PPM1E: variants seen among roughly 807,000 people sequenced by gnomAD.
The protein encoded by PPM1E is protein phosphatase 1E.
A neutral mutation model predicts 65.9 loss-of-function variants in PPM1E; 20 were observed. The observed-to-expected ratio is 0.30, with a 90% CI of 0.21 to 0.44. The LOEUF (loss-of-function observed/expected upper bound fraction) is 0.44, where lower values mean the gene tolerates loss of function less well. Ranked by LOEUF, PPM1E falls within the 20% of genes least tolerant of loss-of-function variation. PPM1E has a pLI of 1.00. For missense variants in PPM1E, 713 were observed against 953.1 expected, an observed-to-expected ratio of 0.75 and a Z score of 3.32; for synonymous variants, 352 against 374.9, an observed-to-expected ratio of 0.94 and a Z score of 0.70.
At chr17:58,959,184 C>A (rs565686394) in intron 2 of PPM1E, among the ~76,000 whole-genome samples, 2 of 151,958 alleles carry the variant, frequency 1.3e-5, no homozygotes, top group African/African-American at 4.8e-5. Context: ...TGGCGTACAC[C>A]TGTAGTCCCA....
rs540033304 is a variant in PPM1E at position 58,867,194 on chromosome 17, G to A, written c.465-88455G>A. Among the ~76,000 whole-genome samples, 17 of 152,118 alleles carry A rather than the reference G, an allele frequency of 1.1e-4. No individual in the cohort carries two copies. In the South Asian group the frequency reaches 3.1e-3, roughly 28 times the overall value. On this transcript the variant is annotated intron_variant, in intron 1 of 6. Transcript: ENST00000308249. ...AGGGGTTTCACCATGTTGGTCAGGCGGTCTCGAACTCCTGACCTCATGATC... is the reference window on the plus strand; with the variant it reads ...AGGGGTTTCACCATGTTGGTCAGGCAGTCTCGAACTCCTGACCTCATGATC...
intron 1 of PPM1E, among the ~76,000 whole-genome samples, chr17:58,823,919 A>G (rs367879669): frequency 6.6e-6 from 1 of 151,896 alleles, no homozygotes; most frequent in African/African-American, 2.4e-5. Flanking sequence ...TTTAGTAGAG[A>G]CAGGGTTTCA....
chr17:58,784,998 A>G (rs1028257711), intron 1 of PPM1E, among the ~76,000 whole-genome samples: 8 of 152,170 alleles, frequency 5.3e-5, no homozygotes, highest in African/African-American at 1.7e-4. Flanking sequence ...CAATTTTGAT[A>G]TAGTCCAATT....
At chr17:58,884,359 C>T (rs2051241564) in intron 1 of PPM1E, among the ~76,000 whole-genome samples, 1 of 152,096 alleles carries the variant, frequency 6.6e-6, no homozygotes, top group Admixed American at 6.5e-5. Flanking sequence ...GGACTTGGCT[C>T]ATTCAGCTTT....
chr17:58,977,903 C>T (rs534066282), intron 6 of PPM1E, among the ~76,000 whole-genome samples: 24 of 152,158 alleles, frequency 1.6e-4, no homozygotes, highest in Middle Eastern at 3.4e-3. Context: ...CCACCAGGCC[C>T]GGCTAATTTT....
At chr17:58,978,539 C>T (rs939114511) in intron 6 of PPM1E, among the ~76,000 whole-genome samples, 31 of 151,892 alleles carry the variant, frequency 2.0e-4, no homozygotes, top group Admixed American at 9.8e-4. Context: ...GGTGAAACCC[C>T]GTCTCTAATA....
intron 1 of PPM1E, among the ~76,000 whole-genome samples, chr17:58,853,522 G>A (rs117656824): frequency 6.6e-6 from 1 of 152,214 alleles, no homozygotes; most frequent in East Asian, 1.9e-4. Flanking sequence ...TAGCTTTGTA[G>A]TAACTTTTGA....
At chr17:58,899,981 G>A (rs904756114) in intron 1 of PPM1E, among the ~76,000 whole-genome samples, 3 of 151,712 alleles carry the variant, frequency 2.0e-5, no homozygotes, top group African/African-American at 7.3e-5. Flanking sequence ...GATCACTTGA[G>A]GCCAGGAGTT....
At chr17:58,961,531 A>G (rs1413060482) in intron 2 of PPM1E, among the ~76,000 whole-genome samples, 1 of 152,240 alleles carries the variant, frequency 6.6e-6, no homozygotes, top group East Asian at 1.9e-4. Flanking sequence ...GCTTTAATAG[A>G]CAGCGTGAAC....
intron 1 of PPM1E, among the ~76,000 whole-genome samples, chr17:58,780,669 C>T (rs966847511): frequency 6.6e-6 from 1 of 152,104 alleles, no homozygotes; most frequent in Non-Finnish European, 1.5e-5. Context: ...CAAATGGCTT[C>T]TCCCAGTCTA....
chr17:58,819,285 A>G (rs1394899874), intron 1 of PPM1E, among the ~76,000 whole-genome samples: 1 of 152,186 alleles, frequency 6.6e-6, no homozygotes, highest in Non-Finnish European at 1.5e-5. Flanking sequence ...AGCTGGGATT[A>G]TAGGCACGCG....
At chr17:58,779,733 T>C (rs2050033465) in intron 1 of PPM1E, among the ~76,000 whole-genome samples, 2 of 152,350 alleles carry the variant, frequency 1.3e-5, no homozygotes, top group African/African-American at 4.8e-5. Flanking sequence ...CCCAAAGTGC[T>C]AAAATGTAAG....
At chr17:58,790,106 T>G (rs2050141947) in intron 1 of PPM1E, among the ~76,000 whole-genome samples, 1 of 152,204 alleles carries the variant, frequency 6.6e-6, no homozygotes, top group African/African-American at 2.4e-5. Flanking sequence ...AAGGAGCAGA[T>G]ATGGTTCCTT....
chr17:58,868,509 T>A (rs1001231553), intron 1 of PPM1E, among the ~76,000 whole-genome samples: 2 of 151,906 alleles, frequency 1.3e-5, no homozygotes, highest in African/African-American at 4.8e-5. Context: ...TTCCTTTTCT[T>A]TGGACTGTTT....
rs370670083 is a variant in PPM1E, at chr17:58,827,762, C to T, written c.464+71301C>T. On this transcript the variant is annotated intron_variant, in intron 1 of 6. Coordinates refer to ENST00000308249, the MANE Select transcript of PPM1E (RefSeq NM_014906.5). The stretch of plus-strand genomic sequence containing the variant: ...CTAAAAATACAAAAAATTAGCCAGG[C>T]GTGGTGGCGCGCGCCTGTAGTCCCA... 1.5e-4 allele frequency among the ~76,000 whole-genome samples: 23 copies of T among 150,920 alleles called. No homozygotes were observed. In the South Asian group the frequency reaches 4.4e-3, roughly 29 times the overall value.
intron 1 of PPM1E, among the ~76,000 whole-genome samples, chr17:58,807,229 T>A (rs1014717649): frequency 6.6e-6 from 1 of 152,196 alleles, no homozygotes; most frequent in Non-Finnish European, 1.5e-5. Flanking sequence ...TTGGATTTTT[T>A]AAAAAGAAAA....
chr17:58,909,954 G>T (rs1338444239), intron 1 of PPM1E, among the ~76,000 whole-genome samples: 1 of 114,270 alleles, frequency 8.8e-6, no homozygotes. Context: ...TGAGACTGGA[G>T]TGCAGTGGTG....
intron 1 of PPM1E, among the ~76,000 whole-genome samples, chr17:58,772,966 T>TTC (rs1211169673): frequency 6.3e-5 from 8 of 127,942 alleles, no homozygotes; most frequent in African/African-American, 2.1e-4. Flanking sequence ...TAAAATATCT[T>TTC]TCTCTCTCTT....
At position 58,772,953 on chromosome 17, in the gene PPM1E, T is replaced by C. The variant is rs1267964997; in HGVS notation, c.464+16492T>C. Among the ~76,000 whole-genome samples the C allele has an allele frequency of 8.7e-5, 13 of 149,110 alleles. 1 individual carries two copies. The Admixed American group carries it at 8.9e-4, about 10-fold the overall frequency. On this transcript the variant is annotated intron_variant, in intron 1 of 6. Coordinates refer to ENST00000308249, the MANE Select transcript of PPM1E (RefSeq NM_014906.5). ...GGCTATTAGAACAGTGTCTTCTAAA[T>C]TGTAAAATATCTTTCTCTCTCTTTT...
Sources: gnomAD v4.1 joint callset for allele counts (sites outside exome capture counted in the v4.1 genomes callset) on GRCh38, gnomAD v4.1.1 for gene constraint, MANE v1.5 for transcripts, NCBI Gene and HGNC (gene_info 2026-07-23, HGNC 2026-07-21) for gene names.